DIP2C: variants seen among roughly 807,000 people sequenced by gnomAD.
The protein encoded by DIP2C is DIP2 acetate--CoA ligase C (putative), also known as disco-interacting protein 2 homolog C.
In DIP2C, 33 loss-of-function variants were observed where a neutral mutation model predicts 192.4. The observed-to-expected ratio is 0.17, with a 90% confidence interval of 0.13 to 0.23. The LOEUF is 0.23. DIP2C is among the 10% of genes least tolerant of loss of function. The probability of loss-of-function intolerance (pLI) is 1.00; values close to 1 mark genes in which losing one functional copy is unlikely to be tolerated. For missense variants in DIP2C, 1,537 were observed against 2,110.1 expected, an observed-to-expected ratio of 0.73 and a Z score of 5.32; for synonymous variants, 979 against 864.1, an observed-to-expected ratio of 1.13 and a Z score of -2.33.
intron 1 of DIP2C, chr10:664,799 A>G (rs1316214921): frequency 6.6e-6 from 1 of 152,198 alleles, no homozygotes; most frequent in Non-Finnish European, 1.5e-5. Flanking sequence ...ATATATAGGG[A>G]ATTTTTAAAT....
At chr10:409,135 C>T (rs949778982) in intron 8 of DIP2C, 118 bp from the exon 9 acceptor site, 18 of 952,568 alleles carry the variant, frequency 1.9e-5, no homozygotes, top group Middle Eastern at 2.2e-4. Flanking sequence ...GGTCTGCAAG[C>T]GACTTGAAGT....
chr10:396,078 G>C (rs371922109), intron 10 of DIP2C, among the ~76,000 whole-genome samples: 1 of 152,170 alleles, frequency 6.6e-6, no homozygotes, highest in East Asian at 1.9e-4. Flanking sequence ...GAGGAAAACT[G>C]TCCTCTTCCT....
chr10:362,636 T>A lies in DIP2C; in HGVS notation c.2648A>T (p.Asn883Ile). 6.2e-7 allele frequency: 1 copy of A among 1,614,048 alleles called. No homozygotes were observed. The highest frequency in any genetic ancestry group is 1.1e-5 in the South Asian group (1 of 91,070). ...GVYCLALVPA[N>I]TLPKTPLGGI... ...ACCAAGCGGGGTTTTGGGGAGGGTG[T>A]TTGCTGGCACCAAGGCCAGGCAATA... is the stretch of plus-strand genomic sequence containing the variant. The change falls in exon 22 of 37, where the codon AAC becomes ATC. Residue 883 changes from asparagine to isoleucine, a missense_variant. Asn to Ile is a moderately radical substitution (Grantham distance 149, BLOSUM62 -3). Around this residue, in one of 4 missense-constraint regions of DIP2C, gnomAD observed 677 missense variants for 989.9 expected, o/e 0.68. Coordinates refer to ENST00000280886, the MANE Select transcript of DIP2C (RefSeq NM_014974.3).
At chr10:662,236 A>G in intron 1 of DIP2C, 1 of 653,258 alleles carries the variant, frequency 1.5e-6, no homozygotes, top group Non-Finnish European at 2.8e-6. Flanking sequence ...CTGGGTTCCT[A>G]GCTCCTCCTG....
chr10:352,719 C>T (rs1241480156), intron 24 of DIP2C, among the ~76,000 whole-genome samples: 3 of 152,192 alleles, frequency 2.0e-5, no homozygotes. Flanking sequence ...TCCTGGCTCA[C>T]GTTGCAGGCT....
intron 1 of DIP2C, among the ~76,000 whole-genome samples, chr10:587,425 G>C (rs371612266): frequency 1.9e-4 from 29 of 152,326 alleles, no homozygotes; most frequent in African/African-American, 6.3e-4. Flanking sequence ...TGCTGGGCAC[G>C]TGGGAGGCCA....
At chr10:466,679 A>C (rs934344428) in intron 3 of DIP2C, among the ~76,000 whole-genome samples, 1 of 151,384 alleles carries the variant, frequency 6.6e-6, no homozygotes, top group Non-Finnish European at 1.5e-5. Context: ...CAATGAACTC[A>C]AACAAATTTA....
rs1849430684 is a variant in DIP2C, at chr10:565,754, C to T, written c.86-79224G>A. Among the ~76,000 whole-genome samples, 4 of 152,228 alleles carry T rather than the reference C, an allele frequency of 2.6e-5. No individual in the cohort carries two copies. The South Asian group carries it at 8.3e-4, about 31-fold the overall frequency. ...GCATAAAAATATGTGCTTACAGTCGCGTAACGGAGTCGAGCGCAGCAAGGA... is the reference window on the plus strand; with the variant it reads ...GCATAAAAATATGTGCTTACAGTCGTGTAACGGAGTCGAGCGCAGCAAGGA... On this transcript the variant is annotated intron_variant, in intron 1 of 36. Transcript: ENST00000280886.
chr10:412,035 T>A (rs1286977545), intron 8 of DIP2C, among the ~76,000 whole-genome samples: 1 of 152,250 alleles, frequency 6.6e-6, no homozygotes, highest in Non-Finnish European at 1.5e-5. Context: ...GTTGTGGGCA[T>A]GAGTTCTGAA....
intron 29 of DIP2C, among the ~76,000 whole-genome samples, chr10:333,952 T>C (rs534506013): frequency 1.8e-4 from 27 of 152,314 alleles, no homozygotes; most frequent in Non-Finnish European, 1.9e-4. Context: ...CTTCTTCTGG[T>C]GAGATATCTA....
chr10:364,668 G>C, intron 19 of DIP2C, 86 bp from the exon 20 acceptor site: 2 of 1,436,894 alleles, frequency 1.4e-6, no homozygotes, highest in Non-Finnish European at 1.9e-6. Context: ...CACGGCACCT[G>C]CTTTGCTTAA....
intron 2 of DIP2C, among the ~76,000 whole-genome samples, chr10:483,063 C>CG (rs1397265892): frequency 6.6e-6 from 1 of 152,182 alleles, no homozygotes; most frequent in African/African-American, 2.4e-5. Flanking sequence ...TTCTGAATCC[C>CG]GACTGGAGGC....
chr10:653,777 CA>C (rs1433509535), intron 1 of DIP2C, among the ~76,000 whole-genome samples: 9 of 152,364 alleles, frequency 5.9e-5, no homozygotes, highest in Non-Finnish European at 1.3e-4. Flanking sequence ...CAATCATCCA[CA>C]GCAAGGCTGG....
intron 24 of DIP2C, among the ~76,000 whole-genome samples, chr10:352,261 A>C (rs565499094): frequency 1.3e-5 from 2 of 152,244 alleles, no homozygotes; most frequent in Non-Finnish European, 2.9e-5. Flanking sequence ...AGCAGCCAAG[A>C]GTGTCTTTGA....
At chr10:361,070 G>A (rs1959422448) in intron 22 of DIP2C, among the ~76,000 whole-genome samples, 1 of 152,200 alleles carries the variant, frequency 6.6e-6, no homozygotes, top group Middle Eastern at 3.4e-3. Flanking sequence ...GAGACGTAGG[G>A]CCTCAGCTCT....
intron 31 of DIP2C, among the ~76,000 whole-genome samples, chr10:313,402 T>A (rs1956641439): frequency 6.6e-6 from 1 of 152,232 alleles, no homozygotes; most frequent in African/African-American, 2.4e-5. Context: ...AATAAAAATG[T>A]TAAGCAGTCA....
intron 6 of DIP2C, among the ~76,000 whole-genome samples, chr10:417,151 T>A (rs1044758097): frequency 1.3e-5 from 2 of 152,168 alleles, no homozygotes; most frequent in Admixed American, 6.5e-5. Flanking sequence ...AGATGAATCA[T>A]ACCATTCCAC....
intron 14 of DIP2C, among the ~76,000 whole-genome samples, chr10:385,131 G>T (rs183644646): frequency 6.7e-6 from 1 of 148,292 alleles, no homozygotes; most frequent in Non-Finnish European, 1.5e-5. Flanking sequence ...ATGGAGCACC[G>T]TGGACGCCAG....
intron 1 of DIP2C, among the ~76,000 whole-genome samples, chr10:632,812 G>A (rs569747643): frequency 1.1e-4 from 11 of 98,826 alleles, no homozygotes; most frequent in African/African-American, 4.7e-4. Context: ...GAGACCACGC[G>A]GGCACCGGTG....
Sources: allele counts gnomAD v4.1 joint callset (sites outside exome capture counted in the v4.1 genomes callset), GRCh38; gene constraint gnomAD v4.1.1; regional missense constraint gnomAD v4.1.1; transcripts MANE v1.5; gene names NCBI Gene and HGNC (gene_info 2026-07-23, HGNC 2026-07-21).